Variants in KATNIP observed in about 807,000 individuals in gnomAD.
The protein encoded by KATNIP is katanin-interacting protein.
KATNIP carries 126 observed loss-of-function variants against 174.0 expected under a neutral mutation model. The ratio of observed to expected loss-of-function variants is 0.72; its 90% CI spans 0.63 to 0.84. The LOEUF (loss-of-function observed/expected upper bound fraction) is 0.84. KATNIP is among the 40% of genes least tolerant of loss of function. The probability of loss-of-function intolerance (pLI) is 0.00; values close to 1 mark genes in which losing one functional copy is unlikely to be tolerated. For synonymous variants in KATNIP, 810 were observed against 835.7 expected (o/e 0.97, Z 0.53); for missense variants, 1,958 against 2,109.7 (o/e 0.93, Z 1.41).
intron 13 of KATNIP, among the ~76,000 whole-genome samples, chr16:27,713,810 A>ACATAT (rs1567336792): frequency 2.8e-3 from 16 of 5,702 alleles, no homozygotes; most frequent in Non-Finnish European, 3.9e-3. Context: ...GTGTATATAC[A>ACATAT]TATATATATA....
intron 12 of KATNIP, among the ~76,000 whole-genome samples, chr16:27,708,154 C>T (rs2079404220): frequency 1.3e-5 from 2 of 151,794 alleles, no homozygotes; most frequent in South Asian, 2.1e-4. Flanking sequence ...GTAGCTGGGA[C>T]TACAGGCATG....
chr16:27,745,258 G>A (rs959109981), intron 15 of KATNIP, among the ~76,000 whole-genome samples: 2 of 152,212 alleles, frequency 1.3e-5, no homozygotes, highest in African/African-American at 2.4e-5. Flanking sequence ...ACAGGGGACC[G>A]GAAGGAAGAA....
chr16:27,552,238 C>T (rs183009080), intron 1 of KATNIP, among the ~76,000 whole-genome samples: 2 of 152,208 alleles, frequency 1.3e-5, no homozygotes, highest in Non-Finnish European at 2.9e-5. Context: ...GCTGTTTTGG[C>T]TGGTGTGTAT....
chr16:27,749,665 C>A lies in KATNIP; in HGVS notation c.2705C>A (p.Ser902Tyr). The change falls in exon 16 of 28, where the codon TCC (serine) becomes TAC (tyrosine). Residue 902 changes from serine to tyrosine, a missense_variant. Coordinates refer to ENST00000261588, the MANE Select transcript of KATNIP (RefSeq NM_015202.5). Reference sequence around the variant, plus strand: ...CACACACTTCACGAGTCATGGAGCTCCCTCAGTGCCTTCGACCGCTCCCAC... The same window carrying A: ...CACACACTTCACGAGTCATGGAGCTACCTCAGTGCCTTCGACCGCTCCCAC... ...QEHTLHESWS[S>Y]LSAFDRSHRG... 1 of 1,610,500 alleles carries A rather than the reference C, an allele frequency of 6.2e-7. No individual in the cohort carries two copies. Among genetic ancestry groups the A allele is most frequent in the Non-Finnish European group, 8.5e-7 (1 of 1,178,124 alleles).
intron 13 of KATNIP, among the ~76,000 whole-genome samples, chr16:27,715,045 C>G (rs866257473): frequency 6.6e-6 from 1 of 152,202 alleles, no homozygotes; most frequent in Admixed American, 6.5e-5. Context: ...TCAAAACATA[C>G]GCCAACTCTG....
At chr16:27,554,193 G>T in intron 1 of KATNIP, among the ~76,000 whole-genome samples, 1 of 152,222 alleles carries the variant, frequency 6.6e-6, no homozygotes, top group East Asian at 1.9e-4. Context: ...GCCAGATGGG[G>T]TGGCTCACGC....
intron 1 of KATNIP, among the ~76,000 whole-genome samples, chr16:27,565,955 T>C (rs186995235): frequency 3.9e-4 from 59 of 152,154 alleles, no homozygotes; most frequent in Admixed American, 2.0e-3. Flanking sequence ...AGACTGGATT[T>C]ATCACTTCTC....
chr16:27,732,020 A>C (rs1379999226), intron 14 of KATNIP, among the ~76,000 whole-genome samples: 1 of 152,234 alleles, frequency 6.6e-6, no homozygotes, highest in South Asian at 2.1e-4. Flanking sequence ...CGGTATTGCC[A>C]CACAGCCTAA....
intron 13 of KATNIP, chr16:27,718,357 C>T (rs1361662507): frequency 3.3e-5 from 5 of 152,208 alleles, no homozygotes; most frequent in African/African-American, 1.2e-4. Context: ...GAGGGAGGAG[C>T]TGCAGACGCT....
chr16:27,692,462 G>C (rs2078768474), intron 8 of KATNIP, among the ~76,000 whole-genome samples: 1 of 152,152 alleles, frequency 6.6e-6, no homozygotes, highest in Admixed American at 6.5e-5. Context: ...ATGACCTCAT[G>C]AAGTAGCTGA....
At chr16:27,608,226 C>CTTTT (rs35752811) in intron 2 of KATNIP, among the ~76,000 whole-genome samples, 40 of 109,836 alleles carry the variant, frequency 3.6e-4, no homozygotes, top group Non-Finnish European at 5.1e-4. Flanking sequence ...TGGTAAAATT[C>CTTTT]TTTTTTTTTT....
chr16:27,680,514 T>C (rs2078293798), intron 7 of KATNIP, among the ~76,000 whole-genome samples: 1 of 152,304 alleles, frequency 6.6e-6, no homozygotes, highest in South Asian at 2.1e-4. Flanking sequence ...TTTCTTGACA[T>C]TTTTCATGTT....
Position 27,740,318 on chromosome 16 carries a change from A to C in KATNIP, c.2021A>C (p.Gln674Pro), listed in dbSNP as rs116263225. 9.7e-4 allele frequency: 1,571 copies of C among 1,614,238 alleles called. 10 individuals carry two copies. In the African/African-American group the frequency reaches 0.019, roughly 20 times the overall value. ...TTAGCGGATGCAAAGCTTTCTTCACAAGGAAATGTGTCTGGCAAAAGAAAG... is the reference window on the plus strand; with the variant it reads ...TTAGCGGATGCAAAGCTTTCTTCACCAGGAAATGTGTCTGGCAAAAGAAAG... ...ETLADAKLSSQGNVSGKRKNS... is the reference protein window; with the variant it reads ...ETLADAKLSSPGNVSGKRKNS... The change falls in exon 15 of 28, where the codon CAA becomes CCA. Residue 674 changes from glutamine (Q) to proline (P), a missense_variant. This residue lies in a region of KATNIP where 1,557 missense variants were observed against 1,617.8 expected (regional missense o/e 0.96). Coordinates refer to ENST00000261588, the MANE Select transcript of KATNIP (RefSeq NM_015202.5).
At chr16:27,778,312 C>T (rs529787772) in intron 27 of KATNIP, among the ~76,000 whole-genome samples, 30 of 152,304 alleles carry the variant, frequency 2.0e-4, no homozygotes, top group African/African-American at 5.3e-4. Flanking sequence ...GAGGGCTTCC[C>T]GGAGGAGGTG....
chr16:27,716,146 T>G (rs990148823), intron 13 of KATNIP, among the ~76,000 whole-genome samples: 2 of 152,186 alleles, frequency 1.3e-5, no homozygotes, highest in Admixed American at 6.5e-5. Context: ...TGCTACATGC[T>G]ACAACCTGGA....
At chr16:27,632,503 C>G (rs1305406914) in intron 5 of KATNIP, 5 of 424,988 alleles carry the variant, frequency 1.2e-5, no homozygotes, top group African/African-American at 8.1e-5. Flanking sequence ...TTAGCAGGAT[C>G]TGAGGGTGGA....
intron 2 of KATNIP, among the ~76,000 whole-genome samples, chr16:27,614,633 T>A (rs906016017): frequency 1.3e-5 from 2 of 152,276 alleles, no homozygotes; most frequent in East Asian, 1.9e-4. Flanking sequence ...TAATTTCTTA[T>A]AATTTCATTA....
At chr16:27,614,465 CCTG>C (rs764300004) in intron 2 of KATNIP, among the ~76,000 whole-genome samples, 84 of 152,086 alleles carry the variant, frequency 5.5e-4, no homozygotes, top group Non-Finnish European at 9.0e-4. Context: ...CTGGCCACAC[CCTG>C]CTATTTTTTA....
At chr16:27,592,191 T>G (rs2075191425) in intron 2 of KATNIP, among the ~76,000 whole-genome samples, 2 of 151,856 alleles carry the variant, frequency 1.3e-5, no homozygotes, top group South Asian at 4.1e-4. Flanking sequence ...CTTTGTGGCT[T>G]GATTATAATA....
Sources: allele counts gnomAD v4.1 joint callset (sites outside exome capture counted in the v4.1 genomes callset), GRCh38; gene constraint gnomAD v4.1.1; regional missense constraint gnomAD v4.1.1; transcripts MANE v1.5; gene names NCBI Gene and HGNC (gene_info 2026-07-23, HGNC 2026-07-21).